The following TFDP2 variants were observed in gnomAD, a reference collection of about 807,000 sequenced individuals.
TFDP2 encodes transcription factor Dp-2 (E2F dimerization partner 2).
Under a neutral mutation model 59.3 loss-of-function variants are expected in TFDP2, and 17 were observed. The ratio of observed to expected loss-of-function variants is 0.29; its 90% CI spans 0.20 to 0.43. TFDP2 has a LOEUF of 0.43. Ranked by LOEUF, TFDP2 falls within the 20% of genes least tolerant of loss-of-function variation. TFDP2 has a pLI of 1.00. For synonymous variants in TFDP2, 180 were observed against 194.7 expected (o/e 0.92, Z 0.63); for missense variants, 391 against 528.8 (o/e 0.74, Z 2.56).
rs1255560398 is a variant in TFDP2 at position 141,945,473 on chromosome 3, C to T, written c.*7040G>A. On this transcript the variant is annotated 3_prime_UTR_variant, in exon 13 of 13. Transcript: ENST00000489671. ...AAACTCAAGAGTGATGGTGGTGAAC[C>T]AAGTGCGTGAAGGAACTCAGTACTG... is the stretch of plus-strand genomic sequence containing the variant. 1 of 152,250 alleles carries T rather than the reference C, an allele frequency of 6.6e-6. No individual in the cohort carries two copies. 9.4% of individuals were successfully genotyped at this position (152,250 alleles called of 1,614,324 possible). A position where few individuals can be genotyped will look rare whatever the true frequency, so the allele number is the denominator to read the frequency against.
chr3:142,116,350 C>A (rs1186492164), intron 1 of TFDP2, among the ~76,000 whole-genome samples: 1 of 152,124 alleles, frequency 6.6e-6, no homozygotes, highest in East Asian at 1.9e-4. Flanking sequence ...CAGGTGTGAG[C>A]CAGAGTCCAG....
At chr3:142,083,976 C>T (rs1174510126) in intron 3 of TFDP2, among the ~76,000 whole-genome samples, 5 of 152,172 alleles carry the variant, frequency 3.3e-5, no homozygotes, top group Non-Finnish European at 7.3e-5. Context: ...CCCACAAGCA[C>T]AGGCAACCAA....
intron 3 of TFDP2, among the ~76,000 whole-genome samples, chr3:142,050,170 G>A (rs745645196): frequency 6.6e-6 from 1 of 151,576 alleles, no homozygotes; most frequent in Non-Finnish European, 1.5e-5. Flanking sequence ...GGGAGGCTGA[G>A]GCAGAATCGC....
At chr3:141,969,614 A>AAAC (rs992614316) in intron 9 of TFDP2, among the ~76,000 whole-genome samples, 6 of 152,080 alleles carry the variant, frequency 3.9e-5, no homozygotes, top group African/African-American at 1.4e-4. Context: ...CAGTCTCAAA[A>AAAC]AACAACAACA....
At chr3:142,143,526 A>T (rs537934088) in intron 1 of TFDP2, among the ~76,000 whole-genome samples, 2 of 152,372 alleles carry the variant, frequency 1.3e-5, no homozygotes, top group East Asian at 3.9e-4. Flanking sequence ...TATAACCAGA[A>T]TATATAAAGA....
intron 1 of TFDP2, among the ~76,000 whole-genome samples, chr3:142,148,635 G>C (rs1453203020): frequency 1.3e-5 from 2 of 152,122 alleles, no homozygotes; most frequent in Non-Finnish European, 2.9e-5. Flanking sequence ...CGAGATCCTA[G>C]GAAAACCCTT....
At chr3:142,071,158 G>A (rs1437402845) in intron 3 of TFDP2, among the ~76,000 whole-genome samples, 2 of 151,856 alleles carry the variant, frequency 1.3e-5, no homozygotes, top group Non-Finnish European at 2.9e-5. Flanking sequence ...TTATCTTAAA[G>A]GAGTTTTTTT....
chr3:142,105,968 GGA>G lies in TFDP2; in HGVS notation c.-92-4129_-92-4128del, dbSNP rs375685603. 1.3e-4 allele frequency among the ~76,000 whole-genome samples: 19 copies of G among 151,688 alleles called. 1 individual carries two copies. Among genetic ancestry groups the G allele is most frequent in the African/African-American group, 4.6e-4 (19 of 41,328 alleles). ...AGTTAAGCATTCAATGTTAGAGGGGGGAAAAAAATCTGTTCATTGATTTCTCA... is the reference window on the plus strand; with the variant it reads ...AGTTAAGCATTCAATGTTAGAGGGGGAAAAAATCTGTTCATTGATTTCTCA... On this transcript the variant is annotated intron_variant, in intron 1 of 12. Transcript: ENST00000489671.
intron 4 of TFDP2, chr3:142,000,217 G>A: frequency 1.4e-6 from 1 of 699,376 alleles, no homozygotes; most frequent in Non-Finnish European, 2.6e-6. Context: ...GTACAAAACT[G>A]GGTAATTTAC....
intron 3 of TFDP2, among the ~76,000 whole-genome samples, chr3:142,064,076 T>C (rs906477895): frequency 6.6e-6 from 1 of 152,110 alleles, no homozygotes; most frequent in African/African-American, 2.4e-5. Flanking sequence ...GCCTCAGCTA[T>C]CCAAGTAGCT....
intron 3 of TFDP2, among the ~76,000 whole-genome samples, chr3:142,011,609 A>T (rs1297618878): frequency 1.3e-5 from 2 of 151,112 alleles, no homozygotes; most frequent in Non-Finnish European, 3.0e-5. Flanking sequence ...AAAGAAAAAA[A>T]AAAAAGAAGT....
rs947426905 is a variant in TFDP2 at position 141,982,030 on chromosome 3, C to T, written c.357-3348G>A. ...TTTTAAACCTCCTAATCAGCACTGT[C>T]CAATACCCCTAGGCATAACTCACAT... On this transcript the variant is annotated intron_variant, in intron 6 of 12. Coordinates refer to ENST00000489671, the MANE Select transcript of TFDP2 (RefSeq NM_001178139.2). 5.3e-5 allele frequency among the ~76,000 whole-genome samples: 8 copies of T among 152,092 alleles called. No individual in the cohort carries two copies. In the East Asian group the frequency reaches 1.5e-3, roughly 29 times the overall value.
intron 3 of TFDP2, among the ~76,000 whole-genome samples, chr3:142,037,519 A>G (rs1946745340): frequency 6.6e-6 from 1 of 152,240 alleles, no homozygotes; most frequent in African/African-American, 2.4e-5. Context: ...CAGGGAGAAG[A>G]TAATTTCAGG....
chr3:142,115,798 CAG>C (rs1249716249), intron 1 of TFDP2, among the ~76,000 whole-genome samples: 5 of 152,070 alleles, frequency 3.3e-5, no homozygotes, highest in African/African-American at 1.2e-4. Flanking sequence ...CTTGCAGTAA[CAG>C]AACAGTTTTG....
At chr3:142,039,246 C>A (rs1946841570) in intron 3 of TFDP2, among the ~76,000 whole-genome samples, 1 of 152,092 alleles carries the variant, frequency 6.6e-6, no homozygotes, top group Admixed American at 6.6e-5. Flanking sequence ...ATTCTGCTGC[C>A]CTATTTTTTC....
intron 3 of TFDP2, among the ~76,000 whole-genome samples, chr3:142,061,889 T>TACACAC (rs71153939): frequency 1.3e-5 from 1 of 79,956 alleles, no homozygotes; most frequent in East Asian, 3.9e-4. Context: ...TCTCTCTCTC[T>TACACAC]ACACACACAC....
chr3:142,080,248 A>G (rs2060590611), intron 3 of TFDP2, among the ~76,000 whole-genome samples: 1 of 152,216 alleles, frequency 6.6e-6, no homozygotes, highest in Admixed American at 6.5e-5. Flanking sequence ...CACAGGAATG[A>G]GCCACCACAT....
intron 3 of TFDP2, among the ~76,000 whole-genome samples, chr3:142,034,915 C>T (rs926886754): frequency 6.6e-6 from 1 of 151,972 alleles, no homozygotes; most frequent in Non-Finnish European, 1.5e-5. Context: ...ACCGTGTTAA[C>T]CAAGATGGTC....
At chr3:142,136,945 G>A (rs74362475) in intron 1 of TFDP2, among the ~76,000 whole-genome samples, 1,993 of 152,130 alleles carry the variant, frequency 0.013, 58 homozygotes, top group East Asian at 0.12. Flanking sequence ...GTAGCTTGAT[G>A]GGGATGGCAT....
Sources: gnomAD v4.1 joint callset for allele counts (sites outside exome capture counted in the v4.1 genomes callset) on GRCh38, gnomAD v4.1.1 for gene constraint, MANE v1.5 for transcripts, NCBI Gene and HGNC (gene_info 2026-07-23, HGNC 2026-07-21) for gene names.